Variants in IGF2BP2 observed in about 807,000 individuals in gnomAD.
IGF2BP2 encodes the protein insulin-like growth factor 2 mRNA-binding protein 2.
A neutral mutation model predicts 75.8 loss-of-function variants in IGF2BP2; 17 were observed. The observed-to-expected ratio is 0.22, with a 90% CI of 0.15 to 0.34. IGF2BP2 has a LOEUF of 0.34. IGF2BP2 is among the 10% of genes least tolerant of loss of function. The probability of loss-of-function intolerance (pLI) is 1.00; values close to 1 mark genes in which losing one functional copy is unlikely to be tolerated. For synonymous variants in IGF2BP2, 288 were observed against 295.6 expected, an observed-to-expected ratio of 0.97 and a Z score of 0.26; for missense variants, 516 against 772.4, an observed-to-expected ratio of 0.67 and a Z score of 3.93.
chr3:185,666,852 T>C (rs1717719801), intron 10 of IGF2BP2, among the ~76,000 whole-genome samples: 1 of 152,174 alleles, frequency 6.6e-6, no homozygotes, highest in Non-Finnish European at 1.5e-5. Flanking sequence ...ATAATCAGTC[T>C]TTCTCCAAAC....
At chr3:185,795,604 A>G (rs7651090) in intron 2 of IGF2BP2, among the ~76,000 whole-genome samples, 58,959 of 152,138 alleles carry the variant, frequency 0.39, 12,322 homozygotes, top group African/African-American at 0.56. Context: ...AAATGAAGCC[A>G]GAAGCAGTGG....
intron 7 of IGF2BP2, among the ~76,000 whole-genome samples, chr3:185,681,293 T>C (rs1431511842): frequency 1.3e-5 from 2 of 152,158 alleles, no homozygotes; most frequent in East Asian, 3.9e-4. Context: ...TACACAACAA[T>C]AAACAATCTG....
At chr3:185,771,529 G>C (rs1453784537) in intron 2 of IGF2BP2, among the ~76,000 whole-genome samples, 1 of 151,834 alleles carries the variant, frequency 6.6e-6, no homozygotes, top group Non-Finnish European at 1.5e-5. Flanking sequence ...AAAACATGTA[G>C]GTAATGAGAA....
In IGF2BP2 at chr3:185,696,782, C is replaced by G. The variant is rs549184772; in HGVS notation, c.289-119G>C. The G allele has an allele frequency of 6.1e-6, 5 of 816,826 alleles. No homozygotes were observed. In the East Asian group the frequency reaches 1.2e-4, roughly 20 times the overall value. 50.6% of individuals were successfully genotyped at this position (816,826 alleles called of 1,614,324 possible). On this transcript the variant is annotated intron_variant, in intron 3 of 15. Coordinates refer to ENST00000382199, the MANE Select transcript of IGF2BP2 (RefSeq NM_006548.6). ...AAAAAAAGATGGTTATAGGAATAAT[C>G]TAATTAAATTGATATCTCAGGTCTT...
intron 2 of IGF2BP2, among the ~76,000 whole-genome samples, chr3:185,788,602 C>G (rs1736196592): frequency 6.6e-6 from 1 of 151,746 alleles, no homozygotes; most frequent in African/African-American, 2.4e-5. Context: ...TTTTTGAGAA[C>G]ACACTACAGC....
At position 185,811,114 on chromosome 3, in the gene IGF2BP2, A is replaced by C. The variant is rs188200696; in HGVS notation, c.239+12039T>G. Among the ~76,000 whole-genome samples, 17 of 152,282 alleles carry C rather than the reference A, an allele frequency of 1.1e-4. No individual in the cohort carries two copies. In the East Asian group the frequency reaches 3.3e-3, roughly 29 times the overall value. On this transcript the variant is annotated intron_variant, in intron 2 of 15. Coordinates refer to ENST00000382199, the MANE Select transcript of IGF2BP2 (RefSeq NM_006548.6). ...TTTCAGATGGTTTGATATAACAGAA[A>C]CACAATAAGATCATCACATAAAGAT...
chr3:185,649,626 T>C lies in IGF2BP2; in HGVS notation c.1462-92A>G, dbSNP rs116832755. 5.5e-3 allele frequency: 8,440 copies of C among 1,541,020 alleles called. 387 individuals are homozygous for C. The African/African-American group carries it at 0.1, about 18-fold the overall frequency. On this transcript the variant is annotated intron_variant, in intron 13 of 15. Coordinates refer to ENST00000382199, the MANE Select transcript of IGF2BP2 (RefSeq NM_006548.6). ...GAAGGGCACTGGAGAGTCCAGACAATGGGTCAGTCCCATTCCCACACTCCC... is the reference window on the plus strand; with the variant it reads ...GAAGGGCACTGGAGAGTCCAGACAACGGGTCAGTCCCATTCCCACACTCCC...
chr3:185,719,385 C>G (rs986771832), intron 2 of IGF2BP2, among the ~76,000 whole-genome samples: 1 of 152,226 alleles, frequency 6.6e-6, no homozygotes, highest in African/African-American at 2.4e-5. Flanking sequence ...ATGGCTGTCA[C>G]TAGCAATCTG....
intron 2 of IGF2BP2, chr3:185,717,153 CT>C (rs1725761881): frequency 5.2e-6 from 1 of 192,958 alleles, no homozygotes; most frequent in Admixed American, 5.4e-5. Flanking sequence ...CCGTGGAGCT[CT>C]GAGAGAGACT....
chr3:185,700,243 A>G (rs1723108981), intron 2 of IGF2BP2, among the ~76,000 whole-genome samples: 1 of 152,178 alleles, frequency 6.6e-6, no homozygotes, highest in South Asian at 2.1e-4. Context: ...ATGGAAACAA[A>G]TGGGGAAATA....
intron 7 of IGF2BP2, among the ~76,000 whole-genome samples, chr3:185,686,071 C>A (rs1721083876): frequency 2.0e-5 from 3 of 152,150 alleles, no homozygotes. Flanking sequence ...ACTGTGGAAT[C>A]CTATAATTAC....
chr3:185,728,666 A>T (rs1041472310), intron 2 of IGF2BP2: 1 of 152,228 alleles, frequency 6.6e-6, no homozygotes, highest in African/African-American at 2.4e-5. Context: ...GGTAGGTACT[A>T]TTATGACATC....
chr3:185,669,770 T>G (rs1718236773), intron 10 of IGF2BP2, among the ~76,000 whole-genome samples: 1 of 152,208 alleles, frequency 6.6e-6, no homozygotes. Context: ...GAAATTTGAA[T>G]GCCTATGTGA....
chr3:185,671,450 T>C (rs767457401), intron 10 of IGF2BP2, among the ~76,000 whole-genome samples: 1 of 146,818 alleles, frequency 6.8e-6, no homozygotes, highest in Non-Finnish European at 1.5e-5. Context: ...GGCACGAGAA[T>C]AGCTCGAACC....
At chr3:185,774,218 C>A (rs1020880702) in intron 2 of IGF2BP2, among the ~76,000 whole-genome samples, 1 of 152,170 alleles carries the variant, frequency 6.6e-6, no homozygotes, top group African/African-American at 2.4e-5. Context: ...GACGGTTACA[C>A]AGGGCTTGCA....
intron 2 of IGF2BP2, among the ~76,000 whole-genome samples, chr3:185,763,046 T>G (rs1208328274): frequency 3.9e-5 from 6 of 152,088 alleles, no homozygotes; most frequent in Admixed American, 3.9e-4. Context: ...TGTATAGATG[T>G]TTTTTTGTTT....
chr3:185,816,238 G>A (rs1393107178), intron 2 of IGF2BP2, among the ~76,000 whole-genome samples: 1 of 152,112 alleles, frequency 6.6e-6, no homozygotes, highest in Non-Finnish European at 1.5e-5. Context: ...GTCTTGTTAT[G>A]TCAGGAACAC....
intron 2 of IGF2BP2, among the ~76,000 whole-genome samples, chr3:185,742,400 G>A (rs1431881850): frequency 2.0e-5 from 3 of 152,108 alleles, no homozygotes; most frequent in Non-Finnish European, 2.9e-5. Context: ...GGAGGCTGAG[G>A]TAGGAGAACT....
intron 2 of IGF2BP2, among the ~76,000 whole-genome samples, chr3:185,762,924 TGAG>T (rs1289933523): frequency 6.6e-6 from 1 of 152,212 alleles, no homozygotes; most frequent in African/African-American, 2.4e-5. Context: ...TTCAACAATA[TGAG>T]AAGAGCAAAA....
Sources: allele counts gnomAD v4.1 joint callset (sites outside exome capture counted in the v4.1 genomes callset), GRCh38; gene constraint gnomAD v4.1.1; transcripts MANE v1.5; gene names NCBI Gene and HGNC (gene_info 2026-07-23, HGNC 2026-07-21).